Variants in CSMD1 observed in about 807,000 individuals in gnomAD.
CSMD1 encodes the protein CUB and sushi domain-containing protein 1.
CSMD1 carries 213 observed loss-of-function variants against 417.5 expected under a neutral mutation model. The observed-to-expected ratio is 0.51, with a 90% CI of 0.46 to 0.57. The LOEUF is 0.57. CSMD1 is among the 20% of genes least tolerant of loss of function. The pLI is 0.00. For synonymous variants in CSMD1, 2,862 were observed against 1,736.8 expected (o/e 1.65, Z -16.11); for missense variants, 6,923 against 4,529.7 (o/e 1.53, Z -15.17).
At chr8:3,441,130 A>T (rs1415798236) in intron 12 of CSMD1, among the ~76,000 whole-genome samples, 2 of 152,110 alleles carry the variant, frequency 1.3e-5, no homozygotes, top group Non-Finnish European at 2.9e-5. Context: ...CAGCGGTGCC[A>T]CTGTTAGCTG....
At chr8:3,775,819 T>C (rs73172209) in intron 5 of CSMD1, among the ~76,000 whole-genome samples, 5,086 of 152,328 alleles carry the variant, frequency 0.033, 107 homozygotes, top group Non-Finnish European at 0.041. Flanking sequence ...ATGGGGTCCA[T>C]TGCTTTCCGC....
chr8:4,003,707 A>G (rs1029121126), intron 4 of CSMD1, among the ~76,000 whole-genome samples: 2 of 152,228 alleles, frequency 1.3e-5, no homozygotes, highest in African/African-American at 2.4e-5. Context: ...GCATTAACAC[A>G]GTGCTTCAGG....
At chr8:3,059,113 G>A (rs80278586) in intron 49 of CSMD1, among the ~76,000 whole-genome samples, 14,817 of 151,814 alleles carry the variant, frequency 0.098, 706 homozygotes, top group Middle Eastern at 0.14. Flanking sequence ...CATAGGAGAC[G>A]CTGCAAGTGC....
At chr8:4,025,339 T>C (rs1414113765) in intron 4 of CSMD1, among the ~76,000 whole-genome samples, 1 of 152,238 alleles carries the variant, frequency 6.6e-6, no homozygotes, top group Non-Finnish European at 1.5e-5. Context: ...GAAGAATACC[T>C]TGTTTTGCAT....
At chr8:4,545,929 C>T (rs1563274424) in intron 2 of CSMD1, among the ~76,000 whole-genome samples, 2 of 151,168 alleles carry the variant, frequency 1.3e-5, no homozygotes, top group East Asian at 1.9e-4. Flanking sequence ...CACATTCTTG[C>T]CTATTCTTTC....
At chr8:4,086,322 C>G (rs146073564) in intron 3 of CSMD1, among the ~76,000 whole-genome samples, 1 of 152,128 alleles carries the variant, frequency 6.6e-6, no homozygotes, top group Non-Finnish European at 1.5e-5. Flanking sequence ...AGTTCCAAAG[C>G]CTTTTTCATT....
intron 2 of CSMD1, among the ~76,000 whole-genome samples, chr8:4,453,207 A>ACACC: frequency 9.8e-6 from 1 of 101,638 alleles, no homozygotes; most frequent in African/African-American, 3.6e-5. Context: ...CCACACAGAC[A>ACACC]CACACAGAGA....
intron 9 of CSMD1, among the ~76,000 whole-genome samples, chr8:3,585,903 T>C (rs1428843344): frequency 2.0e-5 from 3 of 152,132 alleles, no homozygotes; most frequent in Admixed American, 1.3e-4. Context: ...ATGTGTGGAT[T>C]TGCTCACATC....
chr8:4,845,938 T>C (rs78361884), intron 1 of CSMD1, among the ~76,000 whole-genome samples: 2,398 of 152,356 alleles, frequency 0.016, 58 homozygotes, highest in African/African-American at 0.054. Flanking sequence ...TTTGCCTATT[T>C]TGCATACACT....
rs190765929 is a variant in CSMD1 at position 3,469,430 on chromosome 8, C to A, written c.1449-606G>T. 2.5e-3 allele frequency among the ~76,000 whole-genome samples: 383 copies of A among 152,154 alleles called. 1 individual carries two copies. The highest frequency in any genetic ancestry group is 7.5e-3 in the Admixed American group (115 of 15,276). On this transcript the variant is annotated intron_variant, in intron 11 of 69. Coordinates refer to ENST00000635120, the MANE Select transcript of CSMD1 (RefSeq NM_033225.6). ...ATTTGGCAGCATTTATTGAACACTC[C>A]CCCCGCATATTAATGTCTGGGTCAC...
chr8:3,682,089 T>C (rs561772844), intron 7 of CSMD1, among the ~76,000 whole-genome samples: 2 of 152,284 alleles, frequency 1.3e-5, no homozygotes, highest in South Asian at 4.1e-4. Flanking sequence ...GTAAAAACCC[T>C]AGAAGAAAAC....
Position 3,186,581 on chromosome 8 carries a change from A to G in CSMD1, c.5620+1288T>C, listed in dbSNP as rs539144717. Among the ~76,000 whole-genome samples, 61 of 152,338 alleles carry G rather than the reference A, an allele frequency of 4.0e-4. 1 individual carries two copies. The South Asian group carries it at 7.0e-3, about 18-fold the overall frequency. On this transcript the variant is annotated intron_variant, in intron 36 of 69. Transcript: ENST00000635120. ...TGATAAAATGGAAGTTGTATCAGAC[A>G]CTGTGAATGGCCTGTGCGCTATCTA...
At chr8:3,439,257 A>C (rs1814790881) in intron 12 of CSMD1, among the ~76,000 whole-genome samples, 1 of 125,384 alleles carries the variant, frequency 8.0e-6, no homozygotes, top group Non-Finnish European at 1.6e-5. Flanking sequence ...CAACTTCTCT[A>C]TTTGAGAGCA....
At chr8:4,387,939 G>A (rs533033256) in intron 3 of CSMD1, among the ~76,000 whole-genome samples, 1 of 151,956 alleles carries the variant, frequency 6.6e-6, no homozygotes, top group African/African-American at 2.4e-5. Flanking sequence ...TAACAACAAA[G>A]GATTTCATGT....
intron 21 of CSMD1, among the ~76,000 whole-genome samples, chr8:3,353,849 G>A (rs911560023): frequency 6.6e-6 from 1 of 152,002 alleles, no homozygotes; most frequent in Non-Finnish European, 1.5e-5. Context: ...TTAGATTTTT[G>A]CAATTGAATG....
chr8:3,293,428 C>G (rs1217975582), intron 25 of CSMD1, among the ~76,000 whole-genome samples: 1 of 152,206 alleles, frequency 6.6e-6, no homozygotes, highest in African/African-American at 2.4e-5. Context: ...TGTTTTCCAA[C>G]TTGGTTCCAT....
At chr8:3,511,230 G>T (rs12548616) in intron 10 of CSMD1, among the ~76,000 whole-genome samples, 10,978 of 151,500 alleles carry the variant, frequency 0.072, 555 homozygotes, top group Admixed American at 0.14. Context: ...GGGCCTGTTG[G>T]GGGGTGAGAG....
At position 3,738,669 on chromosome 8, in the gene CSMD1, T is replaced by G. The variant is rs534509431; in HGVS notation, c.931+15261A>C. On this transcript the variant is annotated intron_variant, in intron 6 of 69. Coordinates refer to ENST00000635120, the MANE Select transcript of CSMD1 (RefSeq NM_033225.6). ...CCTTAGACAGGGCTTAGATAACAGA[T>G]AAGTCTTTCTACTGAATGCACACAG... is the stretch of plus-strand genomic sequence containing the variant. 1.5e-3 allele frequency among the ~76,000 whole-genome samples: 225 copies of G among 152,266 alleles called. 1 individual carries two copies. Among genetic ancestry groups the G allele is most frequent in the Non-Finnish European group, 2.2e-3 (150 of 68,026 alleles).
At chr8:4,789,035 T>C (rs564355767) in intron 1 of CSMD1, among the ~76,000 whole-genome samples, 20 of 152,306 alleles carry the variant, frequency 1.3e-4, no homozygotes, top group African/African-American at 4.6e-4. Flanking sequence ...GTCTCACTCC[T>C]TGTTCCACAG....
Sources: allele counts gnomAD v4.1 joint callset (sites outside exome capture counted in the v4.1 genomes callset), GRCh38; gene constraint gnomAD v4.1.1; transcripts MANE v1.5; gene names NCBI Gene and HGNC (gene_info 2026-07-23, HGNC 2026-07-21).